Variants in EVC2 observed in about 807,000 individuals in gnomAD.
EVC2 encodes EvC ciliary complex subunit 2, also known as limbin.
Under a neutral mutation model 149.3 loss-of-function variants are expected in EVC2, and 148 were observed. The ratio of observed to expected loss-of-function variants is 0.99; its 90% CI spans 0.87 to 1.14. The LOEUF (loss-of-function observed/expected upper bound fraction) is 1.14, where lower values mean the gene tolerates loss of function less well. EVC2 is among the 50% of genes most tolerant of loss of function. The pLI is 0.00. For synonymous variants in EVC2, 776 were observed against 649.9 expected (o/e 1.19, Z -2.95); for missense variants, 1,854 against 1,627.3 (o/e 1.14, Z -2.40).
intron 9 of EVC2, among the ~76,000 whole-genome samples, chr4:5,652,998 C>T (rs976547699): frequency 6.6e-6 from 1 of 152,312 alleles, no homozygotes; most frequent in African/African-American, 2.4e-5. Context: ...GTTCCTCCTG[C>T]AGGCTGTGAG....
At position 5,622,967 on chromosome 4, in the gene EVC2, C is replaced by CCTGCTCCCTACG. The variant is rs1560172965; in HGVS notation, c.2059_2070dup (p.Arg687_Gln690dup). The CCTGCTCCCTACG allele has an allele frequency of 1.9e-6, 3 of 1,614,102 alleles. No homozygotes were observed. Among genetic ancestry groups the CCTGCTCCCTACG allele is most frequent in the East Asian group, 2.2e-5 (1 of 44,874 alleles). On this transcript the variant is annotated inframe_insertion, in exon 14 of 22. Transcript: ENST00000344408. The surrounding 1 kb of genome is among the most constrained non-coding windows in gnomAD (Gnocchi z 5.8). ...GTTCGGAAGGCCTCGCCGACGGACG[C>CCTGCTCCCTACG]CTGCTCCCTACGCTGCTCCCTGTGC...
At chr4:5,601,946 T>C (rs530094410) in intron 16 of EVC2, among the ~76,000 whole-genome samples, 4 of 152,214 alleles carry the variant, frequency 2.6e-5, no homozygotes, top group Admixed American at 2.0e-4. Flanking sequence ...ACATGTGTGA[T>C]GGTCCTGATA....
At chr4:5,683,060 A>C (rs1273061013) in intron 6 of EVC2, among the ~76,000 whole-genome samples, 4 of 152,182 alleles carry the variant, frequency 2.6e-5, no homozygotes, top group African/African-American at 9.7e-5. Context: ...GGACTTCCCA[A>C]ATCCACTGTG....
At chr4:5,689,536 C>T (rs772951838) in intron 4 of EVC2, among the ~76,000 whole-genome samples, 193 bp from the exon 5 acceptor site, 1 of 152,154 alleles carries the variant, frequency 6.6e-6, no homozygotes, top group Non-Finnish European at 1.5e-5. Flanking sequence ...CCACACTTCC[C>T]AAGCTGTTGC....
intron 7 of EVC2, among the ~76,000 whole-genome samples, chr4:5,676,951 A>C (rs1720034803): frequency 6.6e-6 from 1 of 152,042 alleles, no homozygotes. Flanking sequence ...AGCATCTCGC[A>C]CTGAGCCTGA....
In EVC2 at chr4:5,637,381, G is replaced by T. The variant is rs923434048; in HGVS notation, c.1470+3133C>A. Among the ~76,000 whole-genome samples the T allele has an allele frequency of 6.6e-6, 1 of 152,120 alleles. No individual in the cohort carries two copies. ...TCCTCGGGCAGGTGAACCTTCCCCA[G>T]CTCAGTTTCCTCACCTGTCAAAGTG... On this transcript the variant is annotated intron_variant, in intron 10 of 21. Transcript: ENST00000344408. This position sits in a 1 kb window ranked among gnomAD's most constrained non-coding sequence, Gnocchi z 4.4.
intron 21 of EVC2, among the ~76,000 whole-genome samples, chr4:5,556,552 T>G (rs944767600): frequency 1.3e-5 from 2 of 151,864 alleles, no homozygotes; most frequent in African/African-American, 4.8e-5. Flanking sequence ...ATGAGTAACT[T>G]AAGGCCAAAG....
chr4:5,691,921 C>T (rs186463760), intron 3 of EVC2, among the ~76,000 whole-genome samples: 82 of 152,332 alleles, frequency 5.4e-4, no homozygotes, highest in Middle Eastern at 3.4e-3. Flanking sequence ...GTTTCCTTTC[C>T]GTTTGACTAA....
In EVC2 at chr4:5,551,427, G is replaced by A. The variant is rs142836194; in HGVS notation, c.3420-8215C>T. Among the ~76,000 whole-genome samples, 15 of 152,326 alleles carry A rather than the reference G, an allele frequency of 9.8e-5. No homozygotes were observed. The East Asian group carries it at 2.7e-3, about 27-fold the overall frequency. ...CTGCTGGATTTTGGGCTTGCATGGG[G>A]CCTGTAGCCCCTCTCTTTTGGTCAA... On this transcript the variant is annotated intron_variant and NMD_transcript_variant, in intron 21 of 22. Transcript: ENST00000475313.
intron 16 of EVC2, among the ~76,000 whole-genome samples, chr4:5,587,078 C>A (rs547743087): frequency 4.6e-5 from 7 of 152,300 alleles, no homozygotes; most frequent in South Asian, 2.1e-4. Flanking sequence ...TCCTTTGTTA[C>A]TATTTTCATT....
At chr4:5,586,661 T>C (rs1356178368) in intron 16 of EVC2, among the ~76,000 whole-genome samples, 1 of 152,210 alleles carries the variant, frequency 6.6e-6, no homozygotes, top group Non-Finnish European at 1.5e-5. Flanking sequence ...CCCCTTAGTG[T>C]AACCCAGATG....
intron 16 of EVC2, among the ~76,000 whole-genome samples, chr4:5,601,521 A>G (rs574554464): frequency 1.2e-4 from 12 of 101,606 alleles, no homozygotes; most frequent in African/African-American, 8.2e-4. Flanking sequence ...AAAAAAAAGG[A>G]AAAAAAAAAA....
At chr4:5,623,694 AC>A (rs1243622552) in intron 13 of EVC2, among the ~76,000 whole-genome samples, 2 of 152,114 alleles carry the variant, frequency 1.3e-5, no homozygotes, top group Non-Finnish European at 2.9e-5. Context: ...TTCACCATTC[AC>A]TGAACATGTA....
In EVC2 at chr4:5,686,266, C is replaced by T. The variant is rs1720706986; in HGVS notation, c.707-787G>A. On this transcript the variant is annotated intron_variant, in intron 5 of 21. Coordinates refer to ENST00000344408, the MANE Select transcript of EVC2 (RefSeq NM_147127.5). The surrounding 1 kb of genome is among the most constrained non-coding windows in gnomAD (Gnocchi z 5.4). ...TGAGACAGGCTCTCTCTATGTTGCC[C>T]AGACTAGTCTCGAACTCCCAGGCTC... Among the ~76,000 whole-genome samples, 1 of 151,930 alleles carries T rather than the reference C, an allele frequency of 6.6e-6. No homozygotes were observed. The highest frequency in any genetic ancestry group is 6.6e-5 in the Admixed American group (1 of 15,240).
At chr4:5,568,212 T>A (rs560062959) in intron 20 of EVC2, among the ~76,000 whole-genome samples, 1 of 149,498 alleles carries the variant, frequency 6.7e-6, no homozygotes, top group Admixed American at 6.8e-5. Context: ...TATTTCTTTC[T>A]CTTCTTCCTC....
chr4:5,607,686 C>T (rs1479060286), intron 16 of EVC2, among the ~76,000 whole-genome samples: 6 of 152,140 alleles, frequency 3.9e-5, no homozygotes, highest in Non-Finnish European at 8.8e-5. Flanking sequence ...ATTAGTTGCA[C>T]AGCCACTCAT....
At chr4:5,581,253 T>C (rs1335226749) in intron 17 of EVC2, among the ~76,000 whole-genome samples, 1 of 152,204 alleles carries the variant, frequency 6.6e-6, no homozygotes, top group Non-Finnish European at 1.5e-5. Context: ...GAAAGCAGCC[T>C]TGGAATTCGG....
chr4:5,673,525 T>C (rs1719796410), intron 7 of EVC2, among the ~76,000 whole-genome samples: 2 of 151,138 alleles, frequency 1.3e-5, no homozygotes, highest in African/African-American at 4.9e-5. Flanking sequence ...TTAAACCTCA[T>C]TGTCTAAGAA....
chr4:5,677,666 A>G lies in EVC2; in HGVS notation c.870+3594T>C, dbSNP rs527866738. On this transcript the variant is annotated intron_variant, in intron 7 of 21. Transcript: ENST00000344408. This position sits in a 1 kb window ranked among gnomAD's most constrained non-coding sequence, Gnocchi z 4.3. ...GCATTCTCTGCCTTTTATTACACTC[A>G]TACAGCAACCAGCCACCTCCTCCTC... Among the ~76,000 whole-genome samples, 3 of 152,308 alleles carry G rather than the reference A, an allele frequency of 2.0e-5. No homozygotes were observed. Among genetic ancestry groups the G allele is most frequent in the Admixed American group, 2.0e-4 (3 of 15,304 alleles).
Sources: gnomAD v4.1 joint callset for allele counts (sites outside exome capture counted in the v4.1 genomes callset) on GRCh38, gnomAD v4.1.1 for gene constraint, Gnocchi (gnomAD v3.1) non-coding constraint, MANE v1.5 for transcripts, NCBI Gene and HGNC (gene_info 2026-07-23, HGNC 2026-07-21) for gene names.